Variants in PCSK1 observed in about 807,000 individuals in gnomAD.
The protein encoded by PCSK1 is proprotein convertase subtilisin/kexin type 1.
In PCSK1, 56 loss-of-function variants were observed where a neutral mutation model predicts 90.6. The observed-to-expected ratio is 0.62, with a 90% CI of 0.50 to 0.77. The LOEUF is 0.77. Ranked by LOEUF, PCSK1 falls within the 30% of genes least tolerant of loss-of-function variation. The pLI, the probability that PCSK1 is intolerant of heterozygous loss-of-function variation, is 0.00. For missense variants in PCSK1, 801 were observed against 932.6 expected, an observed-to-expected ratio of 0.86 and a Z score of 1.84; for synonymous variants, 348 against 342.4, an observed-to-expected ratio of 1.02 and a Z score of -0.18.
chr5:96,394,419 C>T (rs543024122), intron 13 of PCSK1, among the ~76,000 whole-genome samples: 2 of 152,288 alleles, frequency 1.3e-5, no homozygotes, highest in South Asian at 4.1e-4. Context: ...AAGAAGCCTA[C>T]ATGATTTGGC....
At chr5:96,423,560 G>A in intron 3 of PCSK1, 101 bp from the exon 4 acceptor site, 1 of 1,061,170 alleles carries the variant, frequency 9.4e-7, no homozygotes, top group Non-Finnish European at 1.4e-6. Context: ...CTTTTTCCTT[G>A]GGTCACTCTA....
chr5:96,404,427 G>A (rs149257457), intron 9 of PCSK1, among the ~76,000 whole-genome samples: 13 of 152,286 alleles, frequency 8.5e-5, no homozygotes, highest in Non-Finnish European at 7.4e-5. Flanking sequence ...GCTGGTACTT[G>A]AGAAACATCG....
At chr5:96,430,365 T>C in intron 1 of PCSK1, among the ~76,000 whole-genome samples, 1 of 152,232 alleles carries the variant, frequency 6.6e-6, no homozygotes, top group East Asian at 1.9e-4. Context: ...AGAAACGTGT[T>C]CTTTAAATTG....
chr5:96,416,059 C>A lies in PCSK1; in HGVS notation c.683G>T (p.Gly228Val), dbSNP rs747169606. ...MQANNHKCGV[G>V]VAYNSKVGGI... ...TCCAACTTTGGAATTGTATGCAACT[C>A]CAACCCCGCATTTGTGATTATTTGC... is the stretch of plus-strand genomic sequence containing the variant. Residue 228 changes from glycine to valine, a missense_variant, in exon 6 of 14, where the codon GGA (glycine) becomes GTA (valine). Physicochemically the swap from Gly to Val is moderately radical, Grantham distance 109 (BLOSUM62 -3). Coordinates refer to ENST00000311106, the MANE Select transcript of PCSK1 (RefSeq NM_000439.5). The A allele has an allele frequency of 6.2e-6, 10 of 1,612,714 alleles. No homozygotes were observed. The highest frequency in any genetic ancestry group is 8.5e-6 in the Non-Finnish European group (10 of 1,178,736).
In PCSK1 at chr5:96,393,237, T is replaced by C; in HGVS notation, c.2026A>G (p.Ser676Gly). 6.2e-7 allele frequency: 1 copy of C among 1,614,036 alleles called. No homozygotes were observed. The highest frequency in any genetic ancestry group is 8.5e-7 in the Non-Finnish European group (1 of 1,179,988). The change falls in exon 14 of 14, where the codon AGT becomes GGT. Residue 676 changes from serine to glycine, a missense_variant. Coordinates refer to ENST00000311106, the MANE Select transcript of PCSK1 (RefSeq NM_000439.5). ...GATTGCTTTGGCGGTGAGTTTTTAC[T>C]GAAAGCACTTTGCAGGAGTCGCAGC... ...AMLRLLQSAFSKNSPPKQSPK... is the reference protein window; with the variant it reads ...AMLRLLQSAFGKNSPPKQSPK...
At position 96,391,969 on chromosome 5, in the gene PCSK1, A is replaced by G. The variant is rs146200274; in HGVS notation, c.*1032T>C. On this transcript the variant is annotated 3_prime_UTR_variant, in exon 14 of 14. Transcript: ENST00000311106. ...ATAGGATTGGAGAAGAACTTTTAGT[A>G]TCAAGGAATAAACATTCAGTTTCAA... is the stretch of plus-strand genomic sequence containing the variant. 6.6e-6 allele frequency: 1 copy of G among 152,348 alleles called. No homozygotes were observed. The highest frequency in any genetic ancestry group is 2.4e-5 in the African/African-American group (1 of 41,584). 9.4% of individuals were successfully genotyped at this position (152,348 alleles called of 1,614,324 possible).
chr5:96,393,359 T>C lies in PCSK1; in HGVS notation c.1904A>G (p.Asn635Ser). Reference sequence around the variant, plus strand: ...GGACACCAGGGTGTTCTCCTTAGGGTTCTCTTGTGTGGGCTGCTCCTAAAA... The same window carrying C: ...GGACACCAGGGTGTTCTCCTTAGGGCTCTCTTGTGTGGGCTGCTCCTAAAA... ...DPGEEQPTQE[N>S]PKENTLVSKS... Residue 635 changes from asparagine to serine, a missense_variant, in exon 14 of 14, where the codon AAC becomes AGC. By Grantham distance (46) the Asn-to-Ser change is conservative. Coordinates refer to ENST00000311106, the MANE Select transcript of PCSK1 (RefSeq NM_000439.5). 6.2e-7 allele frequency: 1 copy of C among 1,613,848 alleles called. No homozygotes were observed. The highest frequency in any genetic ancestry group is 8.5e-7 in the Non-Finnish European group (1 of 1,179,928).
chr5:96,420,773 G>T (rs2112436370), intron 5 of PCSK1, among the ~76,000 whole-genome samples: 1 of 133,288 alleles, frequency 7.5e-6, no homozygotes, highest in South Asian at 2.5e-4. Context: ...GGAAGAGAGG[G>T]AGAGAGAGAG....
chr5:96,395,522 C>T lies in PCSK1; in HGVS notation c.1723-497G>A, dbSNP rs1384773795. ...ATGGATAAAGCTGGAAACCATCATT[C>T]TCAGCAAACCAACACAGGAACAGAA... On this transcript the variant is annotated intron_variant, in intron 12 of 13. Coordinates refer to ENST00000311106, the MANE Select transcript of PCSK1 (RefSeq NM_000439.5). 2.6e-5 allele frequency among the ~76,000 whole-genome samples: 4 copies of T among 152,168 alleles called. No individual in the cohort carries two copies. The East Asian group carries it at 7.7e-4, about 29-fold the overall frequency.
chr5:96,400,314 C>G (rs151209830), intron 9 of PCSK1, 128 bp from the exon 10 acceptor site: 1 of 721,316 alleles, frequency 1.4e-6, no homozygotes, highest in East Asian at 2.6e-5. Context: ...TTATGTTATT[C>G]TAGTGTCTAT....
intron 6 of PCSK1, among the ~76,000 whole-genome samples, chr5:96,413,915 C>G (rs1478314749): frequency 2.9e-5 from 4 of 138,672 alleles, no homozygotes; most frequent in African/African-American, 8.3e-5. Flanking sequence ...GTCAAGAGAT[C>G]GAGACCATCC....
intron 5 of PCSK1, 96 bp downstream of exon 5, chr5:96,421,784 G>C: frequency 1.2e-6 from 1 of 802,128 alleles, no homozygotes; most frequent in Non-Finnish European, 2.3e-6. Context: ...CATTTCCTGA[G>C]CACTGGAATG....
intron 4 of PCSK1, among the ~76,000 whole-genome samples, 168 bp from the exon 5 acceptor site, chr5:96,422,124 T>C (rs79208470): frequency 0.025 from 3,743 of 151,426 alleles, 151 homozygotes; most frequent in African/African-American, 0.086. Context: ...TTTATTTTAC[T>C]CACAAACCAG....
At chr5:96,416,902 G>A (rs1760953810) in intron 5 of PCSK1, among the ~76,000 whole-genome samples, 1 of 152,208 alleles carries the variant, frequency 6.6e-6, no homozygotes, top group Admixed American at 6.5e-5. Flanking sequence ...AAATTCTGAG[G>A]ATGATAATTG....
At chr5:96,424,182 G>T (rs1761213111) in intron 3 of PCSK1, among the ~76,000 whole-genome samples, 1 of 152,134 alleles carries the variant, frequency 6.6e-6, no homozygotes, top group African/African-American at 2.4e-5. Flanking sequence ...CCGGTGAAAG[G>T]GTCAATAAGA....
chr5:96,397,114 G>A (rs1414334828), intron 12 of PCSK1, among the ~76,000 whole-genome samples: 1 of 152,108 alleles, frequency 6.6e-6, no homozygotes, highest in Non-Finnish European at 1.5e-5. Context: ...TTATATAAGT[G>A]TTTTTCCCCC....
At chr5:96,411,116 C>T (rs1760740029) in intron 7 of PCSK1, 130 bp from the exon 8 acceptor site, 6 of 772,242 alleles carry the variant, frequency 7.8e-6, no homozygotes, top group Non-Finnish European at 1.1e-5. Flanking sequence ...ATTTTCAATT[C>T]CAGATCTTTT....
At chr5:96,414,963 C>T (rs79501585) in intron 6 of PCSK1, among the ~76,000 whole-genome samples, 3,750 of 152,192 alleles carry the variant, frequency 0.025, 153 homozygotes, top group African/African-American at 0.086. Context: ...AAATGCATAA[C>T]CAAATGCAAG....
In PCSK1 at chr5:96,407,029, T is replaced by C. The variant is rs114147263; in HGVS notation, c.1196+1194A>G. Among the ~76,000 whole-genome samples the C allele has an allele frequency of 9.5e-3, 1,443 of 152,276 alleles. 27 individuals are homozygous for C. The highest frequency in any genetic ancestry group is 0.033 in the African/African-American group (1,381 of 41,556). ...TAAATCTTTTTTTAACATCATACAC[T>C]AAAATAAATTCCAGAGGGATTTAGA... On this transcript the variant is annotated intron_variant, in intron 9 of 13. Transcript: ENST00000311106.
Sources: allele counts gnomAD v4.1 joint callset (sites outside exome capture counted in the v4.1 genomes callset), GRCh38; gene constraint gnomAD v4.1.1; transcripts MANE v1.5; gene names NCBI Gene and HGNC (gene_info 2026-07-23, HGNC 2026-07-21).